FRAS1: variants seen among roughly 807,000 people sequenced by gnomAD.
FRAS1 encodes extracellular matrix organizing protein FRAS1.
FRAS1 carries 290 observed loss-of-function variants against 435.2 expected under a neutral mutation model. That is an observed-to-expected ratio of 0.67 (90% CI 0.61 to 0.73). The LOEUF is 0.73. FRAS1 is among the 30% of genes least tolerant of loss of function. The probability of loss-of-function intolerance (pLI) is 0.00; values close to 1 mark genes in which losing one functional copy is unlikely to be tolerated. For missense variants in FRAS1, 4,860 were observed against 5,001.5 expected, an observed-to-expected ratio of 0.97 and a Z score of 0.85; for synonymous variants, 1,800 against 1,851.0, an observed-to-expected ratio of 0.97 and a Z score of 0.71.
At chr4:78,375,377 C>G (rs766418250) in intron 25 of FRAS1, among the ~76,000 whole-genome samples, 1 of 152,102 alleles carries the variant, frequency 6.6e-6, no homozygotes, top group South Asian at 2.1e-4. Context: ...TTTATGACAC[C>G]GATTGTTAAA....
At position 78,541,512 on chromosome 4, in the gene FRAS1, C is replaced by G. The variant is rs75970105; in HGVS notation, c.*388C>G. On this transcript the variant is annotated 3_prime_UTR_variant, in exon 74 of 74. Coordinates refer to ENST00000512123, the MANE Select transcript of FRAS1 (RefSeq NM_025074.7). The stretch of plus-strand genomic sequence containing the variant: ...AGAAGTAGGTACGGGCCTTTGGTTC[C>G]CTCCCCCAGCCCCAGCTTTCTCCTA... 0.033 allele frequency: 5,254 copies of G among 157,850 alleles called. 129 individuals carry two copies. The highest frequency in any genetic ancestry group is 0.049 in the Non-Finnish European group (3,494 of 72,036). 9.8% of individuals were successfully genotyped at this position (157,850 alleles called of 1,614,324 possible). A position where few individuals can be genotyped will look rare whatever the true frequency, so the allele number is the denominator to read the frequency against.
rs563186544 is a variant in FRAS1, at chr4:78,341,281, C to T, written c.2422+3464C>T. On this transcript the variant is annotated intron_variant, in intron 20 of 73. Coordinates refer to ENST00000512123, the MANE Select transcript of FRAS1 (RefSeq NM_025074.7). ...TTGAGACACCCATAAAGAGTTGAGT[C>T]CTGTGACAGTGGTGAGACTTGAAGT... Among the ~76,000 whole-genome samples, 23 of 152,214 alleles carry T rather than the reference C, an allele frequency of 1.5e-4. No homozygotes were observed. The South Asian group carries it at 4.8e-3, about 32-fold the overall frequency.
Position 78,178,634 on chromosome 4 carries a change from C to T in FRAS1, c.109-58876C>T, listed in dbSNP as rs1170012076. Among the ~76,000 whole-genome samples, 3 of 152,298 alleles carry T rather than the reference C, an allele frequency of 2.0e-5. No homozygotes were observed. The East Asian group carries it at 5.8e-4, about 29-fold the overall frequency. ...TTGCAAAATGACACTCACCAAGAAA[C>T]AGCAAGCTAGCATCTCTCAGGGGTG... On this transcript the variant is annotated intron_variant, in intron 2 of 73. Transcript: ENST00000512123.
At chr4:78,514,477 C>A (rs1364301389) in intron 65 of FRAS1, among the ~76,000 whole-genome samples, 2 of 152,242 alleles carry the variant, frequency 1.3e-5, no homozygotes, top group Non-Finnish European at 2.9e-5. Flanking sequence ...ATTCATTAAG[C>A]ATCACTTTTG....
intron 2 of FRAS1, among the ~76,000 whole-genome samples, chr4:78,136,458 A>C (rs1478459158): frequency 6.6e-6 from 1 of 152,216 alleles, no homozygotes; most frequent in African/African-American, 2.4e-5. Flanking sequence ...GAATCCATGC[A>C]TAATGAGGAT....
chr4:78,302,699 G>A (rs1210669401), intron 14 of FRAS1, among the ~76,000 whole-genome samples: 1 of 151,904 alleles, frequency 6.6e-6, no homozygotes, highest in Non-Finnish European at 1.5e-5. Context: ...TTTTGATGGG[G>A]TTGTTTGTTT....
intron 50 of FRAS1, among the ~76,000 whole-genome samples, chr4:78,467,532 A>T (rs142781398): frequency 0.032 from 4,869 of 152,184 alleles, 281 homozygotes; most frequent in African/African-American, 0.11. Flanking sequence ...TGCAACAAAC[A>T]TAGGAGTGCA....
intron 23 of FRAS1, 74 bp downstream of exon 23, chr4:78,370,058 C>A: frequency 6.9e-7 from 1 of 1,449,520 alleles, no homozygotes; most frequent in Non-Finnish European, 9.4e-7. Context: ...TCTAGTTTTC[C>A]ATATTGGGAA....
At chr4:78,114,814 C>A (rs1164564606) in intron 2 of FRAS1, among the ~76,000 whole-genome samples, 1 of 152,180 alleles carries the variant, frequency 6.6e-6, no homozygotes, top group African/African-American at 2.4e-5. Flanking sequence ...ATTGAAAAAT[C>A]CCTTATTTCC....
chr4:78,347,585 C>T (rs1438595218), intron 20 of FRAS1, among the ~76,000 whole-genome samples: 1 of 152,194 alleles, frequency 6.6e-6, no homozygotes, highest in African/African-American at 2.4e-5. Flanking sequence ...CTGCTCTGTT[C>T]CTGTGTGCCT....
At chr4:78,180,265 CAT>C in intron 2 of FRAS1, among the ~76,000 whole-genome samples, 1 of 151,396 alleles carries the variant, frequency 6.6e-6, no homozygotes, top group Non-Finnish European at 1.5e-5. Flanking sequence ...AAAGATTTAG[CAT>C]ATATATATAA....
intron 18 of FRAS1, among the ~76,000 whole-genome samples, chr4:78,326,687 G>A (rs1409846413): frequency 4.6e-5 from 7 of 152,164 alleles, no homozygotes; most frequent in Admixed American, 4.6e-4. Context: ...TAGCTTGGAA[G>A]TCATCATTAA....
At chr4:78,209,669 T>G (rs1200207347) in intron 2 of FRAS1, among the ~76,000 whole-genome samples, 1 of 152,204 alleles carries the variant, frequency 6.6e-6, no homozygotes, top group Non-Finnish European at 1.5e-5. Context: ...CTGAGGTTTG[T>G]GCAGTTCTGT....
chr4:78,177,930 C>G (rs1016125781), intron 2 of FRAS1, among the ~76,000 whole-genome samples: 1 of 152,160 alleles, frequency 6.6e-6, no homozygotes, highest in East Asian at 1.9e-4. Flanking sequence ...GCTGCCATAG[C>G]AAATTTCCGC....
chr4:78,079,335 G>T (rs978335791), intron 2 of FRAS1, among the ~76,000 whole-genome samples: 1 of 152,160 alleles, frequency 6.6e-6, no homozygotes, highest in Middle Eastern at 3.4e-3. Flanking sequence ...AATGGCTGAA[G>T]AAAACCAAGA....
At position 78,372,740 on chromosome 4, in the gene FRAS1, A is replaced by C. The variant is rs1403499677; in HGVS notation, c.2892A>C (p.Ala964=). The change falls in exon 24 of 74, where the codon GCA becomes GCC. Residue 964 remains alanine (A), a synonymous_variant. Coordinates refer to ENST00000512123, the MANE Select transcript of FRAS1 (RefSeq NM_025074.7). ...TAGAGTGTGATTGGAGCTGCAGTGC[A>C]TGCAGTGGGCCCCTGAAAACAGACT... ...TCKECDWSCS[A]CSGPLKTDCL... The C allele has an allele frequency of 6.2e-7, 1 of 1,612,828 alleles. No individual in the cohort carries two copies. Among genetic ancestry groups the C allele is most frequent in the Non-Finnish European group, 8.5e-7 (1 of 1,179,768 alleles).
intron 3 of FRAS1, 126 bp downstream of exon 3, chr4:78,237,743 A>G: frequency 2.1e-6 from 1 of 471,140 alleles, no homozygotes; most frequent in Non-Finnish European, 3.7e-6. Flanking sequence ...AATGAAATGC[A>G]GAAGAGAATT....
intron 9 of FRAS1, among the ~76,000 whole-genome samples, chr4:78,275,608 A>G (rs1302001448): frequency 1.3e-5 from 2 of 152,182 alleles, no homozygotes; most frequent in Non-Finnish European, 2.9e-5. Context: ...TTCTGGGTTG[A>G]GAATTCTTTT....
At chr4:78,241,199 T>G (rs1258555773) in intron 3 of FRAS1, among the ~76,000 whole-genome samples, 1 of 152,136 alleles carries the variant, frequency 6.6e-6, no homozygotes, top group African/African-American at 2.4e-5. Flanking sequence ...CTGAGAGGTT[T>G]CTCTGAATCT....
Sources: allele counts gnomAD v4.1 joint callset (sites outside exome capture counted in the v4.1 genomes callset), GRCh38; gene constraint gnomAD v4.1.1; transcripts MANE v1.5; gene names NCBI Gene and HGNC (gene_info 2026-07-23, HGNC 2026-07-21).